The following VWA8 variants were observed in gnomAD, a reference collection of about 807,000 sequenced individuals.
The protein encoded by VWA8 is von Willebrand factor A domain-containing protein 8.
VWA8 carries 221 observed loss-of-function variants against 241.5 expected under a neutral mutation model. That is an observed-to-expected ratio of 0.91 (90% CI 0.82 to 1.02). The LOEUF (loss-of-function observed/expected upper bound fraction) is 1.02, where lower values mean the gene tolerates loss of function less well. VWA8 is among the 50% of genes least tolerant of loss of function. The pLI, the probability that VWA8 is intolerant of heterozygous loss-of-function variation, is 0.00. For missense variants in VWA8, 2,322 were observed against 2,328.7 expected, an observed-to-expected ratio of 1.00 and a Z score of 0.06; for synonymous variants, 852 against 827.1, an observed-to-expected ratio of 1.03 and a Z score of -0.52.
At chr13:41,878,139 T>C (rs1873990112) in intron 9 of VWA8, among the ~76,000 whole-genome samples, 1 of 152,088 alleles carries the variant, frequency 6.6e-6, no homozygotes, top group Non-Finnish European at 1.5e-5. Flanking sequence ...AATTATCATT[T>C]ATCAAGGAAA....
chr13:41,954,019 C>A, intron 1 of VWA8, among the ~76,000 whole-genome samples: 1 of 152,098 alleles, frequency 6.6e-6, no homozygotes, highest in East Asian at 1.9e-4. Context: ...GATCAATGAG[C>A]CACATCTGCA....
In VWA8 at chr13:41,615,085, C is replaced by A; in HGVS notation, c.4612-1G>T. ...CACCACTGTCTCTGTTGATTGTTAT[C>A]TAAAAATGAACAATTGAGACATTTT... On this transcript the variant is annotated splice_acceptor_variant, in intron 37 of 44. Transcript: ENST00000379310. LOFTEE classifies it high-confidence loss of function. 1 of 1,613,764 alleles carries A rather than the reference C, an allele frequency of 6.2e-7. No homozygotes were observed. The highest frequency in any genetic ancestry group is 8.5e-7 in the Non-Finnish European group (1 of 1,179,858).
intron 2 of VWA8, among the ~76,000 whole-genome samples, chr13:41,928,313 A>G (rs1876945028): frequency 6.6e-6 from 1 of 152,220 alleles, no homozygotes; most frequent in Non-Finnish European, 1.5e-5. Context: ...TATCTCTAGC[A>G]TACATGAAAT....
At chr13:41,784,808 C>T (rs1313144695) in intron 18 of VWA8, among the ~76,000 whole-genome samples, 1 of 141,100 alleles carries the variant, frequency 7.1e-6, no homozygotes, top group African/African-American at 2.6e-5. Context: ...TTTAAAATTA[C>T]TATTTTCGAG....
Position 41,911,204 on chromosome 13 carries a change from C to G in VWA8, c.372+834G>C, listed in dbSNP as rs369348016. On this transcript the variant is annotated intron_variant, in intron 3 of 44. Coordinates refer to ENST00000379310, the MANE Select transcript of VWA8 (RefSeq NM_015058.2). ...TCAGCCTCCCGAGTAGCTGGGATCA[C>G]AGGCGCCTAGCACCATACCCTGCTA... 3.3e-5 allele frequency among the ~76,000 whole-genome samples: 5 copies of G among 151,960 alleles called. No homozygotes were observed. The East Asian group carries it at 9.7e-4, about 29-fold the overall frequency.
chr13:41,716,735 G>A (rs2045350225), intron 26 of VWA8, among the ~76,000 whole-genome samples: 1 of 152,048 alleles, frequency 6.6e-6, no homozygotes, highest in Non-Finnish European at 1.5e-5. Context: ...TTAAGTTGTA[G>A]CAAGAACTGT....
rs371155816 is a variant in VWA8, at chr13:41,627,662, T to C, written c.4612-12578A>G. On this transcript the variant is annotated intron_variant, in intron 37 of 44. Transcript: ENST00000379310. Reference sequence around the variant, plus strand: ...CTCCACACTGGAACAGTGCACCCACTGGAACCATGAGAGACCATCAAGCTT... The same window carrying C: ...CTCCACACTGGAACAGTGCACCCACCGGAACCATGAGAGACCATCAAGCTT... Among the ~76,000 whole-genome samples, 139 of 152,230 alleles carry C rather than the reference T, an allele frequency of 9.1e-4. 1 individual carries two copies. In the South Asian group the frequency reaches 0.014, roughly 16 times the overall value.
At chr13:41,680,998 G>A (rs1432602307) in intron 35 of VWA8, among the ~76,000 whole-genome samples, 1 of 152,118 alleles carries the variant, frequency 6.6e-6, no homozygotes, top group Non-Finnish European at 1.5e-5. Flanking sequence ...CCAACTCCGG[G>A]GCCTCTGTGT....
rs1566478209 is a variant in VWA8, at chr13:41,841,860, A to ATAT, written c.1426-8330_1426-8329insATA. Among the ~76,000 whole-genome samples, 573 of 62,304 alleles carry ATAT rather than the reference A, an allele frequency of 9.2e-3. 35 individuals are homozygous for ATAT. Among genetic ancestry groups the ATAT allele is most frequent in the Middle Eastern group, 0.02 (2 of 100 alleles). 40.9% of individuals were successfully genotyped at this position (62,304 alleles called of 152,430 possible). A position where few individuals can be genotyped will look rare whatever the true frequency, so the allele number is the denominator to read the frequency against. On this transcript the variant is annotated intron_variant, in intron 12 of 44. Transcript: ENST00000379310. ...ATATATATATATATATATATATATA[A>ATAT]AAACAGTAGACATTTAATATTTTTT...
intron 43 of VWA8, among the ~76,000 whole-genome samples, chr13:41,571,600 T>A (rs1303211293): frequency 2.0e-5 from 3 of 152,154 alleles, no homozygotes; most frequent in Non-Finnish European, 4.4e-5. Flanking sequence ...TCTACCTGCC[T>A]CCGCCTCCCG....
At chr13:41,869,503 G>A (rs1013485585) in intron 9 of VWA8, among the ~76,000 whole-genome samples, 1 of 151,740 alleles carries the variant, frequency 6.6e-6, no homozygotes, top group South Asian at 2.1e-4. Flanking sequence ...ATGGTGGCAC[G>A]CACCTGTAGT....
rs117007341 is a variant in VWA8 at position 41,889,698 on chromosome 13, G to A, written c.651+1722C>T. 4.8e-3 allele frequency among the ~76,000 whole-genome samples: 729 copies of A among 152,106 alleles called. 7 individuals carry two copies. The highest frequency in any genetic ancestry group is 9.0e-3 in the Admixed American group (138 of 15,278). On this transcript the variant is annotated intron_variant, in intron 5 of 44. Coordinates refer to ENST00000379310, the MANE Select transcript of VWA8 (RefSeq NM_015058.2). Reference sequence around the variant, plus strand: ...CCAGCCACTAAACCTCTTTTGACTCGCATATCCTGAATTCCTATCCAAAGT... The same window carrying A: ...CCAGCCACTAAACCTCTTTTGACTCACATATCCTGAATTCCTATCCAAAGT...
intron 40 of VWA8, among the ~76,000 whole-genome samples, chr13:41,600,727 C>G (rs2139653613): frequency 6.6e-6 from 1 of 152,222 alleles, no homozygotes; most frequent in East Asian, 1.9e-4. Context: ...CAAACATCTG[C>G]TTTCTTCACA....
intron 9 of VWA8, among the ~76,000 whole-genome samples, chr13:41,881,884 G>A (rs1383945450): frequency 1.3e-5 from 2 of 149,166 alleles, no homozygotes; most frequent in African/African-American, 2.5e-5. Context: ...TCCCGGACGG[G>A]GCGGCTGGCC....
intron 14 of VWA8, among the ~76,000 whole-genome samples, chr13:41,825,527 C>T (rs1871140147): frequency 6.6e-6 from 1 of 152,098 alleles, no homozygotes; most frequent in South Asian, 2.1e-4. Context: ...ACTGTAGAAG[C>T]TGTTCTTTCT....
At position 41,811,271 on chromosome 13, in the gene VWA8, G is replaced by C; in HGVS notation, c.2017C>G (p.Pro673Ala). The C allele has an allele frequency of 6.2e-7, 1 of 1,611,146 alleles. No homozygotes were observed. The highest frequency in any genetic ancestry group is 8.5e-7 in the Non-Finnish European group (1 of 1,177,768). ...ACAGCACTGTGAAGATTTTCATTAG[G>C]ATACTGTGACAGCCGACGAGAAATT... Reference protein sequence around the residue: ...LRISRRLSQYPNENLHSAVTK... With the variant: ...LRISRRLSQYANENLHSAVTK... Residue 673 changes from proline (P) to alanine (A), a missense_variant, in exon 17 of 45, where the codon CCT becomes GCT. Physicochemically the swap from Pro to Ala is conservative, Grantham distance 27. Coordinates refer to ENST00000379310, the MANE Select transcript of VWA8 (RefSeq NM_015058.2).
rs74051136 is a variant in VWA8, at chr13:41,746,698, G to A, written c.2426+14430C>T. Among the ~76,000 whole-genome samples the A allele has an allele frequency of 4.4e-3, 666 of 152,264 alleles. 11 individuals carry two copies. The highest frequency in any genetic ancestry group is 0.016 in the Admixed American group (245 of 15,294). On this transcript the variant is annotated intron_variant, in intron 21 of 44. Transcript: ENST00000379310. Reference sequence around the variant, plus strand: ...ATCAAAGTAAGTGTAATATTCCAGCGAAGTGAAATTTAATAAGGATATCAC... The same window carrying A: ...ATCAAAGTAAGTGTAATATTCCAGCAAAGTGAAATTTAATAAGGATATCAC...
chr13:41,575,313 G>A (rs533613769), intron 43 of VWA8, among the ~76,000 whole-genome samples: 18 of 152,032 alleles, frequency 1.2e-4, no homozygotes, highest in Admixed American at 5.2e-4. Context: ...TGGGTACAGC[G>A]TATACTGCTC....
intron 40 of VWA8, among the ~76,000 whole-genome samples, chr13:41,598,961 C>T (rs574070435): frequency 1.4e-4 from 21 of 151,852 alleles, no homozygotes; most frequent in East Asian, 5.8e-4. Context: ...CAGCTGGGTA[C>T]GGTTTTGTTA....
Sources: allele counts gnomAD v4.1 joint callset (sites outside exome capture counted in the v4.1 genomes callset), GRCh38; gene constraint gnomAD v4.1.1; transcripts MANE v1.5; gene names NCBI Gene and HGNC (gene_info 2026-07-23, HGNC 2026-07-21).